Variants in PPFIA4 observed in about 807,000 individuals in gnomAD.
PPFIA4 encodes the protein liprin-alpha-4.
In PPFIA4, 98 loss-of-function variants were observed where a neutral mutation model predicts 145.7. The observed-to-expected ratio is 0.67, with a 90% CI of 0.57 to 0.80. The LOEUF is 0.80. Among genes scored for constraint, PPFIA4 ranks in the 30% least tolerant of loss-of-function variants. The pLI is 0.00. For missense variants in PPFIA4, 1,457 were observed against 1,632.7 expected (o/e 0.89, Z 1.85); for synonymous variants, 628 against 649.6 (o/e 0.97, Z 0.51).
intron 2 of PPFIA4, among the ~76,000 whole-genome samples, chr1:203,040,414 G>T (rs1571672948): frequency 6.6e-6 from 1 of 152,220 alleles, no homozygotes; most frequent in African/African-American, 2.4e-5. Context: ...CAAGGGCTGG[G>T]CCTGAGTGGG....
In PPFIA4 at chr1:203,067,706, A is replaced by C; in HGVS notation, c.3062A>C (p.Gln1021Pro). ...MVDSFHRTSL[Q>P]YGIMCLKRLN... is the part of the protein sequence containing the mutation. ...CTGTGTGCCTGCAGAACCAGTCTTC[A>C]GTATGGCATCATGTGTCTGAAGAGG... Residue 1021 changes from glutamine (Q) to proline (P), a missense_variant, in exon 26 of 30, where the codon CAG becomes CCG. By Grantham distance (76) the Gln-to-Pro change is moderately conservative (BLOSUM62 -1). Transcript: ENST00000295706. The C allele has an allele frequency of 6.2e-7, 1 of 1,613,914 alleles. No individual in the cohort carries two copies. Among genetic ancestry groups the C allele is most frequent in the Non-Finnish European group, 8.5e-7 (1 of 1,179,856 alleles).
rs879104548 is a variant in PPFIA4, at chr1:203,046,002, T to G, written c.1005+15T>G. 6.2e-7 allele frequency: 1 copy of G among 1,611,294 alleles called. No individual in the cohort carries two copies. Among genetic ancestry groups the G allele is most frequent in the Non-Finnish European group, 8.5e-7 (1 of 1,179,532 alleles). The stretch of plus-strand genomic sequence containing the variant: ...TGCACCGCCAGGTACCTCCTCAGGG[T>G]GGGGTGGGGATGGGCATTGTACTTA... On this transcript the variant is annotated intron_variant, in intron 8 of 29. Coordinates refer to ENST00000295706, the MANE Select transcript of PPFIA4 (RefSeq NM_001304331.2).
intron 28 of PPFIA4, 119 bp downstream of exon 28, chr1:203,071,879 C>A: frequency 1.1e-6 from 1 of 870,290 alleles, no homozygotes; most frequent in Non-Finnish European, 1.9e-6. Context: ...GGGAGGAGAG[C>A]CAGAGGGGAT....
chr1:203,056,738 A>G, intron 18 of PPFIA4, 46 bp from the exon 19 acceptor site: 1 of 1,465,904 alleles, frequency 6.8e-7, no homozygotes, highest in Non-Finnish European at 9.4e-7. Context: ...CTGTCACTTA[A>G]GTATGTTTCT....
Position 203,048,861 on chromosome 1 carries a change from T to C in PPFIA4, c.1357-57T>C. On this transcript the variant is annotated intron_variant, in intron 11 of 29. Coordinates refer to ENST00000295706, the MANE Select transcript of PPFIA4 (RefSeq NM_001304331.2). This position sits in a 1 kb window ranked among gnomAD's most constrained non-coding sequence, Gnocchi z 5.8. ...GGGCTGAGACTGCACACCCAGAGGC[T>C]CAGGTCTGGAATGGGAGAGGAAGGC... 1 of 1,539,674 alleles carries C rather than the reference T, an allele frequency of 6.5e-7. No individual in the cohort carries two copies. Among genetic ancestry groups the C allele is most frequent in the Non-Finnish European group, 8.8e-7 (1 of 1,140,580 alleles).
intron 23 of PPFIA4, 60 bp downstream of exon 23, chr1:203,061,092 G>T: frequency 6.6e-7 from 1 of 1,510,328 alleles, no homozygotes; most frequent in South Asian, 1.1e-5. Flanking sequence ...ACTCCCATGA[G>T]GATGAGGGGA....
rs1036250112 is a variant in PPFIA4 at position 203,055,530 on chromosome 1, T to C, written c.1928T>C (p.Leu643Pro). 6.2e-7 allele frequency: 1 copy of C among 1,613,868 alleles called. No individual in the cohort carries two copies. The highest frequency in any genetic ancestry group is 8.5e-7 in the Non-Finnish European group (1 of 1,179,902). Reference sequence around the variant, plus strand: ...ATGGAAGCCCTAAACCTGAAGCAGCTGCGCAAGCGTGGTTCCATCCCCACC... The same window carrying C: ...ATGGAAGCCCTAAACCTGAAGCAGCCGCGCAAGCGTGGTTCCATCCCCACC... ...GSMEALNLKQ[L>P]RKRGSIPTSL... The change falls in exon 16 of 30, where the codon CTG becomes CCG. Residue 643 changes from leucine (L) to proline (P), a missense_variant. Leu to Pro is a moderately conservative substitution (Grantham distance 98). Transcript: ENST00000295706. This position sits in a 1 kb window ranked among gnomAD's most constrained non-coding sequence, Gnocchi z 4.8.
intron 20 of PPFIA4, among the ~76,000 whole-genome samples, 177 bp downstream of exon 20, chr1:203,059,448 G>C (rs1033103011): frequency 6.6e-6 from 1 of 152,228 alleles, no homozygotes; most frequent in Non-Finnish European, 1.5e-5. Flanking sequence ...CTTAGGATGA[G>C]CCTAGGGAGA....
chr1:203,067,506 G>C (rs1309683241), intron 25 of PPFIA4, 189 bp from the exon 26 acceptor site: 1 of 590,528 alleles, frequency 1.7e-6, no homozygotes, highest in African/African-American at 1.9e-5. Flanking sequence ...GGGTTAGACA[G>C]AGAAAGGGAG....
At chr1:203,063,626 T>C (rs1661540256) in intron 24 of PPFIA4, 3 of 555,700 alleles carry the variant, frequency 5.4e-6, no homozygotes, top group Non-Finnish European at 9.6e-6. Context: ...CATTTCGAGA[T>C]CTTAAAAAGT....
chr1:203,047,083 C>T (rs1017974554), intron 9 of PPFIA4, among the ~76,000 whole-genome samples: 8 of 152,140 alleles, frequency 5.3e-5, no homozygotes, highest in Admixed American at 2.0e-4. Flanking sequence ...ATGGGATCTT[C>T]GAACCCGTGG....
chr1:203,048,784 T>C lies in PPFIA4; in HGVS notation c.1356+70T>C, dbSNP rs1351813007. 4.5e-6 allele frequency: 7 copies of C among 1,538,708 alleles called. No homozygotes were observed. The highest frequency in any genetic ancestry group is 1.9e-5 in the Admixed American group (1 of 51,380). ...TGTGGGGCGGGGGGAGGCGGGACTGTGATGGGCGCAGGCGGGGTCTCAATG... is the reference window on the plus strand; with the variant it reads ...TGTGGGGCGGGGGGAGGCGGGACTGCGATGGGCGCAGGCGGGGTCTCAATG... On this transcript the variant is annotated intron_variant, in intron 11 of 29. Transcript: ENST00000295706. The surrounding 1 kb of genome is among the most constrained non-coding windows in gnomAD (Gnocchi z 5.8).
Position 203,055,391 on chromosome 1 carries a change from G to T in PPFIA4, c.1830-41G>T, listed in dbSNP as rs543238146. 1.9e-6 allele frequency: 3 copies of T among 1,609,694 alleles called. No homozygotes were observed. In the African/African-American group the frequency reaches 4.0e-5, roughly 21 times the overall value. On this transcript the variant is annotated intron_variant, in intron 15 of 29. Coordinates refer to ENST00000295706, the MANE Select transcript of PPFIA4 (RefSeq NM_001304331.2). The surrounding 1 kb of genome is among the most constrained non-coding windows in gnomAD (Gnocchi z 4.8). ...CCCGCACTGCCTCCTGCTGGTCCTG[G>T]CTGGGGCTAGTGGTGAGGTCTGGTT...
At chr1:203,034,658 C>G (rs1164465574) in intron 1 of PPFIA4, 1 of 456,560 alleles carries the variant, frequency 2.2e-6, no homozygotes, top group African/African-American at 2.0e-5. Flanking sequence ...CCAGTGGGGC[C>G]TTTCAGTCAC....
intron 23 of PPFIA4, 120 bp from the exon 24 acceptor site, chr1:203,061,532 C>G (rs1266185960): frequency 9.6e-7 from 1 of 1,039,576 alleles, no homozygotes; most frequent in Non-Finnish European, 1.4e-6. Context: ...CGAGCTTTCC[C>G]CAGTCACCCA....
At chr1:203,035,373 C>A (rs1659163812) in intron 1 of PPFIA4, 1 of 451,596 alleles carries the variant, frequency 2.2e-6, no homozygotes, top group Non-Finnish European at 4.5e-6. Flanking sequence ...GAGCAACAGA[C>A]CCAAATGCCC....
At chr1:203,073,154 G>T (rs919841098) in intron 28 of PPFIA4, among the ~76,000 whole-genome samples, 16 of 152,322 alleles carry the variant, frequency 1.1e-4, no homozygotes, top group African/African-American at 3.9e-4. Flanking sequence ...TGATGACGAT[G>T]TCTCACTTTA....
intron 15 of PPFIA4, chr1:203,054,182 C>T (rs933102488): frequency 1.9e-5 from 13 of 698,810 alleles, no homozygotes; most frequent in Middle Eastern, 3.5e-4. Context: ...TCAGGGCTTG[C>T]GATGTGGCTG....
chr1:203,046,176 T>C, intron 8 of PPFIA4, 72 bp from the exon 9 acceptor site: 2 of 1,492,578 alleles, frequency 1.3e-6, no homozygotes, highest in Non-Finnish European at 1.8e-6. Flanking sequence ...ATCTGCTCTC[T>C]GCTGAGGCTG....
Sources: gnomAD v4.1 joint callset for allele counts (sites outside exome capture counted in the v4.1 genomes callset) on GRCh38, gnomAD v4.1.1 for gene constraint, Gnocchi (gnomAD v3.1) non-coding constraint, MANE v1.5 for transcripts, NCBI Gene and HGNC (gene_info 2026-07-23, HGNC 2026-07-21) for gene names.